Variants in HPSE2 observed in about 807,000 individuals in gnomAD.
HPSE2 encodes heparanase 2 (inactive), also known as inactive heparanase-2.
In HPSE2, 38 loss-of-function variants were observed where a neutral mutation model predicts 60.5. The observed-to-expected ratio is 0.63, with a 90% confidence interval of 0.48 to 0.82. The LOEUF is 0.82. Among genes scored for constraint, HPSE2 ranks in the 40% least tolerant of loss-of-function variants. The pLI is 0.00. For synonymous variants in HPSE2, 295 were observed against 293.2 expected, an observed-to-expected ratio of 1.01 and a Z score of -0.06; for missense variants, 713 against 740.4, an observed-to-expected ratio of 0.96 and a Z score of 0.43.
At chr10:98,681,721 T>C (rs559099302) in intron 6 of HPSE2, among the ~76,000 whole-genome samples, 7 of 152,296 alleles carry the variant, frequency 4.6e-5, no homozygotes, top group South Asian at 2.1e-4. Context: ...TTCTACAGAA[T>C]GCAAAAGATA....
chr10:98,588,707 C>T (rs919117815), intron 9 of HPSE2, among the ~76,000 whole-genome samples: 2 of 151,850 alleles, frequency 1.3e-5, no homozygotes, highest in African/African-American at 2.4e-5. Context: ...TAACAGCACC[C>T]AGCACAGCTC....
intron 5 of HPSE2, among the ~76,000 whole-genome samples, chr10:98,697,261 T>G (rs1243910287): frequency 1.3e-5 from 2 of 152,088 alleles, no homozygotes; most frequent in African/African-American, 4.8e-5. Context: ...GAATCTTGAT[T>G]AAAGGGTACA....
chr10:98,946,409 A>G (rs1955185335), intron 3 of HPSE2, among the ~76,000 whole-genome samples: 1 of 151,244 alleles, frequency 6.6e-6, no homozygotes, highest in African/African-American at 2.4e-5. Flanking sequence ...CGAGTTTTAG[A>G]CTGCAGTAAG....
At chr10:98,646,326 T>C (rs906125862) in intron 6 of HPSE2, among the ~76,000 whole-genome samples, 2 of 149,184 alleles carry the variant, frequency 1.3e-5, no homozygotes, top group African/African-American at 4.9e-5. Context: ...TTTTTTCTTT[T>C]TTTTTTTTTA....
At chr10:99,308,838 C>T in the HPSE2 span, among the ~76,000 whole-genome samples, 1 of 152,116 alleles carries the variant, frequency 6.6e-6, no homozygotes, top group African/African-American at 2.4e-5. Flanking sequence ...GCCAAAGATT[C>T]ATTTGATGAA....
chr10:99,208,496 G>A lies in HPSE2; in HGVS notation c.448+23852C>T, dbSNP rs144614747. 6.5e-3 allele frequency among the ~76,000 whole-genome samples: 991 copies of A among 152,074 alleles called. 6 individuals carry two copies. Among genetic ancestry groups the A allele is most frequent in the African/African-American group, 0.022 (919 of 41,484 alleles). The stretch of plus-strand genomic sequence containing the variant: ...GCCCAGGAATTCAAGACCAGCCTGG[G>A]CAACATGGCAAAACCCCATCTCTGC... On this transcript the variant is annotated intron_variant, in intron 2 of 11. Coordinates refer to ENST00000370552, the MANE Select transcript of HPSE2 (RefSeq NM_021828.5).
intron 3 of HPSE2, among the ~76,000 whole-genome samples, chr10:98,805,917 A>T (rs1310679393): frequency 6.6e-6 from 1 of 152,180 alleles, no homozygotes; most frequent in Non-Finnish European, 1.5e-5. Flanking sequence ...ATCACTGGGG[A>T]TAATGGAGAA....
intron 9 of HPSE2, among the ~76,000 whole-genome samples, chr10:98,611,543 C>G (rs1945758927): frequency 6.6e-6 from 1 of 152,206 alleles, no homozygotes; most frequent in Non-Finnish European, 1.5e-5. Context: ...GTAAAATCCA[C>G]AAGTTTTTAT....
intron 3 of HPSE2, among the ~76,000 whole-genome samples, chr10:98,891,005 C>G (rs1344621708): frequency 2.6e-5 from 4 of 152,142 alleles, no homozygotes. Context: ...ATTTTATTGT[C>G]ACTATATTTT....
At chr10:99,139,885 C>G (rs982525494) in intron 3 of HPSE2, among the ~76,000 whole-genome samples, 1 of 152,160 alleles carries the variant, frequency 6.6e-6, no homozygotes, top group South Asian at 2.1e-4. Flanking sequence ...AACCCAAACT[C>G]CTGGATCGCA....
intron 3 of HPSE2, among the ~76,000 whole-genome samples, chr10:98,973,963 G>T (rs764684089): frequency 2.0e-5 from 3 of 152,092 alleles, no homozygotes; most frequent in Non-Finnish European, 4.4e-5. Flanking sequence ...CAAAAGAGGG[G>T]TTTAAAATAT....
At position 99,202,777 on chromosome 10, in the gene HPSE2, C is replaced by T. The variant is rs536742259; in HGVS notation, c.448+29571G>A. On this transcript the variant is annotated intron_variant, in intron 2 of 11. Coordinates refer to ENST00000370552, the MANE Select transcript of HPSE2 (RefSeq NM_021828.5). The stretch of plus-strand genomic sequence containing the variant: ...ATTTGAACAACTAACCACACACAAA[C>T]GAACCTTCACAATAGCTAAGAAAAC... 2.4e-4 allele frequency among the ~76,000 whole-genome samples: 37 copies of T among 152,186 alleles called. No individual in the cohort carries two copies. The South Asian group carries it at 5.2e-3, about 21-fold the overall frequency.
At chr10:99,269,742 C>G in the HPSE2 span, among the ~76,000 whole-genome samples, 26 of 152,248 alleles carry the variant, frequency 1.7e-4, no homozygotes, top group East Asian at 5.0e-3. Context: ...AAACAAGCCT[C>G]AATAAATTTA....
At chr10:98,558,215 T>C (rs567293857) in intron 9 of HPSE2, among the ~76,000 whole-genome samples, 2 of 152,314 alleles carry the variant, frequency 1.3e-5, no homozygotes, top group South Asian at 4.1e-4. Flanking sequence ...GCAGTATCTA[T>C]TAAAGCCAAA....
intron 3 of HPSE2, among the ~76,000 whole-genome samples, chr10:98,910,013 C>T (rs1393673962): frequency 6.6e-6 from 1 of 152,044 alleles, no homozygotes; most frequent in African/African-American, 2.4e-5. Context: ...ATAGTATTTT[C>T]CAAGTTTTCT....
At chr10:99,156,480 A>T (rs1846566913) in intron 2 of HPSE2, among the ~76,000 whole-genome samples, 2 of 136,086 alleles carry the variant, frequency 1.5e-5, no homozygotes, top group African/African-American at 5.1e-5. Flanking sequence ...CAGCATATAA[A>T]CAGAGCCAAA....
intron 8 of HPSE2, among the ~76,000 whole-genome samples, chr10:98,617,714 A>G (rs974749951): frequency 1.3e-5 from 2 of 152,184 alleles, no homozygotes; most frequent in Admixed American, 1.3e-4. Context: ...TGACTGGTAT[A>G]TCTAACCAAA....
intron 3 of HPSE2, among the ~76,000 whole-genome samples, chr10:99,033,661 T>C (rs1361131061): frequency 2.0e-5 from 3 of 152,016 alleles, no homozygotes; most frequent in Admixed American, 6.6e-5. Flanking sequence ...TAGGCGCCCA[T>C]AGTCCCAGCT....
chr10:99,104,632 C>A (rs1478017237), intron 3 of HPSE2, among the ~76,000 whole-genome samples: 2 of 152,118 alleles, frequency 1.3e-5, no homozygotes, highest in African/African-American at 2.4e-5. Flanking sequence ...TTGCGGCACT[C>A]TTCACAACAG....
Sources: allele counts gnomAD v4.1 joint callset (sites outside exome capture counted in the v4.1 genomes callset), GRCh38; gene constraint gnomAD v4.1.1; transcripts MANE v1.5; gene names NCBI Gene and HGNC (gene_info 2026-07-23, HGNC 2026-07-21).